The following LAMC3 variants were observed in gnomAD, a reference collection of about 807,000 sequenced individuals.
LAMC3 encodes the protein laminin subunit gamma-3.
LAMC3 carries 128 observed loss-of-function variants against 173.8 expected under a neutral mutation model. That is an observed-to-expected ratio of 0.74 (90% confidence interval 0.64 to 0.85). The LOEUF (loss-of-function observed/expected upper bound fraction) is 0.85, where lower values mean the gene tolerates loss of function less well. LAMC3 is among the 40% of genes least tolerant of loss of function. The pLI, the probability that LAMC3 is intolerant of heterozygous loss-of-function variation, is 0.00. For synonymous variants in LAMC3, 897 were observed against 909.1 expected, an observed-to-expected ratio of 0.99 and a Z score of 0.24; for missense variants, 2,022 against 2,156.0, an observed-to-expected ratio of 0.94 and a Z score of 1.23.
rs376809557 is a variant in LAMC3 at position 131,019,383 on chromosome 9, C to A, written c.374-6902C>A. Among the ~76,000 whole-genome samples the A allele has an allele frequency of 1.9e-4, 29 of 152,320 alleles. No individual in the cohort carries two copies. In the South Asian group the frequency reaches 5.8e-3, roughly 30 times the overall value. On this transcript the variant is annotated intron_variant, in intron 1 of 27. Coordinates refer to ENST00000361069, the MANE Select transcript of LAMC3 (RefSeq NM_006059.4). ...CATGGCACCTAGCACACAAGAGGTG[C>A]CCAATAAATGCTTGCCCGATGAATG... is the stretch of plus-strand genomic sequence containing the variant.
chr9:131,024,246 A>G (rs1833681276), intron 1 of LAMC3, among the ~76,000 whole-genome samples: 1 of 150,810 alleles, frequency 6.6e-6, no homozygotes, highest in African/African-American at 2.5e-5. Flanking sequence ...CTTGGGTTCA[A>G]GCAATTCTCC....
In LAMC3 at chr9:131,032,453, C is replaced by T. The variant is rs539361957; in HGVS notation, c.809+278C>T. ...TTCCTTCCTTCCTCCCTCCCTCCCT[C>T]CCTTCCTCCCTTCGCTCTCGCTCTC... On this transcript the variant is annotated intron_variant, in intron 3 of 27. Coordinates refer to ENST00000361069, the MANE Select transcript of LAMC3 (RefSeq NM_006059.4). Among the ~76,000 whole-genome samples, 17 of 151,554 alleles carry T rather than the reference C, an allele frequency of 1.1e-4. No homozygotes were observed. In the South Asian group the frequency reaches 3.6e-3, roughly 32 times the overall value.
intron 25 of LAMC3, 41 bp downstream of exon 25, chr9:131,085,764 C>T (rs752635234): frequency 2.6e-5 from 42 of 1,592,340 alleles, no homozygotes; most frequent in Middle Eastern, 3.4e-4. Context: ...TCCTTCCCTC[C>T]CGGGGGGACC....
chr9:131,071,119 C>T (rs1830029162), intron 17 of LAMC3, among the ~76,000 whole-genome samples: 2 of 152,196 alleles, frequency 1.3e-5, no homozygotes, highest in African/African-American at 4.8e-5. Context: ...ATGTTCATAG[C>T]ACATTCAGCC....
intron 1 of LAMC3, among the ~76,000 whole-genome samples, chr9:131,025,838 G>A (rs1445198065): frequency 3.9e-5 from 6 of 152,302 alleles, no homozygotes; most frequent in Admixed American, 6.5e-5. Flanking sequence ...GGAGGATTTC[G>A]TTAGGATTAG....
intron 2 of LAMC3, among the ~76,000 whole-genome samples, chr9:131,028,443 G>A (rs538758089): frequency 6.6e-6 from 1 of 152,190 alleles, no homozygotes; most frequent in Non-Finnish European, 1.5e-5. Context: ...GAGGGAACCA[G>A]GGTTAGAATC....
chr9:131,056,137 A>T (rs1834400026), intron 11 of LAMC3, among the ~76,000 whole-genome samples: 1 of 151,896 alleles, frequency 6.6e-6, no homozygotes, highest in Non-Finnish European at 1.5e-5. Context: ...TCAAGGCTGC[A>T]GTGAGCTATG....
chr9:131,034,899 G>A (rs575019566), intron 3 of LAMC3, among the ~76,000 whole-genome samples: 5 of 152,336 alleles, frequency 3.3e-5, no homozygotes, highest in East Asian at 1.9e-4. Context: ...CAAAGACCCC[G>A]TATTTGTCCA....
chr9:131,061,645 G>T (rs941205074), intron 13 of LAMC3, among the ~76,000 whole-genome samples: 1 of 152,134 alleles, frequency 6.6e-6, no homozygotes, highest in Non-Finnish European at 1.5e-5. Flanking sequence ...CTTGTTCCCA[G>T]GCTCCTTGTA....
In LAMC3 at chr9:131,093,969, A is replaced by G. The variant is rs554205895; in HGVS notation, c.*2182A>G. On this transcript the variant is annotated 3_prime_UTR_variant, in exon 28 of 28. Transcript: ENST00000361069. ...GCTAGGACTACAGGTGCTTGCCACC[A>G]TGCCCAGCTAATTTTGGTATTTTTA... 1 of 152,378 alleles carries G rather than the reference A, an allele frequency of 6.6e-6. No individual in the cohort carries two copies. Among genetic ancestry groups the G allele is most frequent in the Non-Finnish European group, 1.5e-5 (1 of 68,104 alleles). 9.4% of individuals were successfully genotyped at this position (152,378 alleles called of 1,614,324 possible).
At chr9:131,053,747 C>T (rs551935732) in intron 11 of LAMC3, among the ~76,000 whole-genome samples, 7 of 152,212 alleles carry the variant, frequency 4.6e-5, no homozygotes, top group South Asian at 2.1e-4. Context: ...GCAGGAGAAT[C>T]GCTTGAACCC....
chr9:131,071,999 G>C (rs1409097658), intron 18 of LAMC3, among the ~76,000 whole-genome samples: 4 of 152,184 alleles, frequency 2.6e-5, no homozygotes, highest in Admixed American at 1.3e-4. Flanking sequence ...GAGTAAATAA[G>C]ACAAAAGAAG....
intron 1 of LAMC3, among the ~76,000 whole-genome samples, chr9:131,024,150 C>CT (rs34368388): frequency 0.022 from 2,910 of 131,468 alleles, 97 homozygotes; most frequent in Admixed American, 0.062. Flanking sequence ...GAAGTTTTAG[C>CT]TTTTTTTTTT....
intron 12 of LAMC3, among the ~76,000 whole-genome samples, chr9:131,059,488 C>G (rs1417163348): frequency 5.1e-4 from 35 of 68,108 alleles, no homozygotes; most frequent in African/African-American, 2.5e-3. Context: ...CGGACTCCGT[C>G]TCAAAAAAAA....
At chr9:131,089,542 T>A (rs963291776) in intron 27 of LAMC3, among the ~76,000 whole-genome samples, 7 of 67,906 alleles carry the variant, frequency 1.0e-4, no homozygotes, top group African/African-American at 5.2e-4. Context: ...CACACCCAGC[T>A]AATTTTTTTT....
intron 1 of LAMC3, among the ~76,000 whole-genome samples, chr9:131,014,963 G>A (rs1160558086): frequency 2.1e-4 from 32 of 152,298 alleles, no homozygotes; most frequent in African/African-American, 2.4e-5. Flanking sequence ...GCAACAGAGC[G>A]AGACCCTGTC....
At chr9:131,039,336 C>G in intron 6 of LAMC3, 88 bp downstream of exon 6, 2 of 1,071,284 alleles carry the variant, frequency 1.9e-6, no homozygotes, top group South Asian at 2.6e-5. Flanking sequence ...CCTCCCCTCC[C>G]CATCCCTTCC....
At chr9:131,042,447 A>G (rs1834073106) in intron 7 of LAMC3, among the ~76,000 whole-genome samples, 1 of 151,518 alleles carries the variant, frequency 6.6e-6, no homozygotes, top group African/African-American at 2.4e-5. Context: ...CACAGCAGAT[A>G]TCACTAATGG....
intron 24 of LAMC3, 120 bp from the exon 25 acceptor site, chr9:131,085,404 C>A: frequency 1.0e-6 from 1 of 974,480 alleles, no homozygotes; most frequent in Non-Finnish European, 1.6e-6. Context: ...GCATGCACTT[C>A]AGACCTCCAC....
Sources: allele counts gnomAD v4.1 joint callset (sites outside exome capture counted in the v4.1 genomes callset), GRCh38; gene constraint gnomAD v4.1.1; transcripts MANE v1.5; gene names NCBI Gene and HGNC (gene_info 2026-07-23, HGNC 2026-07-21).